OTOA: variants seen among roughly 807,000 people sequenced by gnomAD.
OTOA encodes cancer/testis antigen 108.
Under a neutral mutation model 110.8 loss-of-function variants are expected in OTOA, and 70 were observed. The ratio of observed to expected loss-of-function variants is 0.63; its 90% CI spans 0.52 to 0.77. The LOEUF (loss-of-function observed/expected upper bound fraction) is 0.77. Ranked by LOEUF, OTOA falls within the 30% of genes least tolerant of loss-of-function variation. The pLI, the probability that OTOA is intolerant of heterozygous loss-of-function variation, is 0.00. For synonymous variants in OTOA, 373 were observed against 431.5 expected, an observed-to-expected ratio of 0.86 and a Z score of 1.68; for missense variants, 917 against 1,075.8, an observed-to-expected ratio of 0.85 and a Z score of 2.06.
rs754607351 is a variant in OTOA, at chr16:21,678,576, C to T, written c.62C>T (p.Ser21Leu). The T allele has an allele frequency of 1.9e-6, 3 of 1,613,774 alleles. No homozygotes were observed. The highest frequency in any genetic ancestry group is 1.7e-5 in the Admixed American group (1 of 59,956). The change falls in exon 2 of 29, where the codon TCG becomes TTG. Residue 21 changes from serine (S) to leucine (L), a missense_variant. Ser to Leu is a moderately radical substitution (Grantham distance 145, BLOSUM62 -2). Around this residue, in one of 6 missense-constraint regions of OTOA, gnomAD observed 840 missense variants for 910.2 expected, o/e 0.92. Transcript: ENST00000646100. Reference protein sequence around the residue: ...FLFLFLSHGVSSYTVPNSRQD... With the variant: ...FLFLFLSHGVLSYTVPNSRQD... ...TTCCTTTTTCTGAGCCATGGAGTGTCGAGTTATACAGTGCCAAATTCCAGG... is the reference window on the plus strand; with the variant it reads ...TTCCTTTTTCTGAGCCATGGAGTGTTGAGTTATACAGTGCCAAATTCCAGG...
At chr16:21,699,569 C>T (rs899375606) in intron 10 of OTOA, among the ~76,000 whole-genome samples, 8 of 151,944 alleles carry the variant, frequency 5.3e-5, no homozygotes, top group Non-Finnish European at 7.4e-5. Flanking sequence ...CCCAGGAGGT[C>T]GAGGCTGCAA....
At chr16:21,721,475 G>A (rs751828111) in intron 17 of OTOA, 5 of 456,088 alleles carry the variant, frequency 1.1e-5, no homozygotes, top group Admixed American at 2.3e-5. Flanking sequence ...CAATGCGTAG[G>A]ACAGCACCAC....
At chr16:21,668,333 C>T (rs572008924) in intron 1 of OTOA, among the ~76,000 whole-genome samples, 2 of 152,262 alleles carry the variant, frequency 1.3e-5, no homozygotes, top group Admixed American at 1.3e-4. Flanking sequence ...TGGTCTCAAA[C>T]TCCTGGCCTC....
chr16:21,716,551 CAG>C (rs1898559965), intron 14 of OTOA, among the ~76,000 whole-genome samples: 1 of 151,980 alleles, frequency 6.6e-6, no homozygotes, highest in Admixed American at 6.6e-5. Flanking sequence ...AGCCTGGCGA[CAG>C]AGGGAGATTC....
At chr16:21,721,281 A>G in intron 17 of OTOA, 2 of 444,058 alleles carry the variant, frequency 4.5e-6, no homozygotes, top group Non-Finnish European at 8.9e-6. Flanking sequence ...ACACACACAA[A>G]CAACCAATAC....
chr16:21,684,911 C>T (rs1002093724), intron 6 of OTOA, among the ~76,000 whole-genome samples: 1 of 151,864 alleles, frequency 6.6e-6, no homozygotes, highest in Non-Finnish European at 1.5e-5. Flanking sequence ...GCCACCACAC[C>T]CAGCTAATTT....
intron 11 of OTOA, among the ~76,000 whole-genome samples, chr16:21,703,573 A>G (rs1461592401): frequency 6.6e-6 from 1 of 152,072 alleles, no homozygotes; most frequent in East Asian, 1.9e-4. Context: ...TGTTGTGAAT[A>G]GTTATTCTCA....
At chr16:21,760,301 C>T (rs1259473722) in intron 28 of OTOA, among the ~76,000 whole-genome samples, 169 bp from the exon 29 acceptor site, 4 of 151,628 alleles carry the variant, frequency 2.6e-5, no homozygotes, top group East Asian at 3.9e-4. Context: ...TTCTCACTCC[C>T]CCACCCCTCC....
intron 6 of OTOA, among the ~76,000 whole-genome samples, chr16:21,683,392 C>A (rs1337908886): frequency 6.6e-6 from 1 of 152,102 alleles, no homozygotes; most frequent in African/African-American, 2.4e-5. Context: ...GCTGATTTAG[C>A]AAATAAAAAT....
chr16:21,692,154 A>G (rs1003168994), intron 9 of OTOA, among the ~76,000 whole-genome samples: 3 of 151,916 alleles, frequency 2.0e-5, no homozygotes, highest in African/African-American at 7.3e-5. Context: ...TGGTGAAACC[A>G]CATCTCTACT....
intron 6 of OTOA, among the ~76,000 whole-genome samples, chr16:21,685,001 C>T (rs1025574797): frequency 2.0e-5 from 3 of 151,988 alleles, no homozygotes; most frequent in Admixed American, 1.3e-4. Flanking sequence ...CCACCCGCCT[C>T]GGCCTCCCAA....
At chr16:21,714,629 A>C (rs894738591) in intron 13 of OTOA, among the ~76,000 whole-genome samples, 55 of 151,992 alleles carry the variant, frequency 3.6e-4, no homozygotes, top group African/African-American at 1.3e-3. Flanking sequence ...CTCCTGCCTC[A>C]GCCTCCCAAG....
chr16:21,681,064 A>G (rs954530517), intron 5 of OTOA, among the ~76,000 whole-genome samples: 61 of 152,168 alleles, frequency 4.0e-4, no homozygotes, highest in African/African-American at 1.5e-3. Context: ...TCCAGTTTGG[A>G]GCCCACACTC....
chr16:21,731,474 G>A (rs1481219123), intron 21 of OTOA, among the ~76,000 whole-genome samples: 1 of 152,180 alleles, frequency 6.6e-6, no homozygotes, highest in Non-Finnish European at 1.5e-5. Flanking sequence ...AGAACAATTC[G>A]CATATGTTCC....
intron 12 of OTOA, among the ~76,000 whole-genome samples, chr16:21,707,368 A>G (rs1431496739): frequency 6.6e-6 from 1 of 152,056 alleles, no homozygotes; most frequent in African/African-American, 2.4e-5. Context: ...GTGCATCTAA[A>G]TCACAGGGAG....
At position 21,730,873 on chromosome 16, in the gene OTOA, CT is replaced by C; in HGVS notation, c.2246del (p.Leu749TrpfsTer5). ...ACTGGACAGCCGAGACCACGAAGGACTTGGGACCCTTTCTAGTACTTTTCTC... is the reference window on the plus strand; with the variant it reads ...ACTGGACAGCCGAGACCACGAAGGACTGGGACCCTTTCTAGTACTTTTCTC... ...QHWTAETTKD[L>X]GPFLVLFSGD... On this transcript the variant is annotated frameshift_variant, in exon 21 of 29. Coordinates refer to ENST00000646100, the MANE Select transcript of OTOA (RefSeq NM_144672.4). LOFTEE classifies it high-confidence loss of function. 6.3e-7 allele frequency: 1 copy of C among 1,577,496 alleles called. No homozygotes were observed. The highest frequency in any genetic ancestry group is 8.7e-7 in the Non-Finnish European group (1 of 1,152,688).
At chr16:21,681,658 C>A in intron 5 of OTOA, 80 bp from the exon 6 acceptor site, 1 of 1,219,014 alleles carries the variant, frequency 8.2e-7, no homozygotes, top group Non-Finnish European at 1.2e-6. Context: ...CCTACCTGTC[C>A]CCTGGGCACT....
At chr16:21,720,024 T>C (rs1482887977) in intron 17 of OTOA, among the ~76,000 whole-genome samples, 7 of 151,858 alleles carry the variant, frequency 4.6e-5, no homozygotes, top group Admixed American at 4.6e-4. Flanking sequence ...GGCATAATCA[T>C]GGTTCATTGC....
intron 5 of OTOA, among the ~76,000 whole-genome samples, chr16:21,679,857 A>G (rs1282399395): frequency 6.6e-6 from 1 of 152,196 alleles, no homozygotes; most frequent in Non-Finnish European, 1.5e-5. Context: ...CAGGAAGGGT[A>G]AATCAAGGAC....
Sources: allele counts gnomAD v4.1 joint callset (sites outside exome capture counted in the v4.1 genomes callset), GRCh38; gene constraint gnomAD v4.1.1; regional missense constraint gnomAD v4.1.1; transcripts MANE v1.5; gene names NCBI Gene and HGNC (gene_info 2026-07-23, HGNC 2026-07-21).